Variants in GLG1 observed in about 807,000 individuals in gnomAD.
GLG1 encodes the protein golgi glycoprotein 1, also known as Golgi apparatus protein 1.
In GLG1, 38 loss-of-function variants were observed where a neutral mutation model predicts 160.5. The ratio of observed to expected loss-of-function variants is 0.24; its 90% CI spans 0.18 to 0.31. GLG1 has a LOEUF of 0.31. GLG1 is among the 10% of genes least tolerant of loss of function. GLG1 has a pLI of 1.00. For synonymous variants in GLG1, 644 were observed against 543.4 expected (o/e 1.19, Z -2.57); for missense variants, 1,373 against 1,505.2 (o/e 0.91, Z 1.45).
chr16:74,500,031 A>G (rs769653993), intron 4 of GLG1, among the ~76,000 whole-genome samples: 6 of 152,126 alleles, frequency 3.9e-5, no homozygotes, highest in Non-Finnish European at 7.4e-5. Context: ...AAAAAAAACA[A>G]TACTTCTCTA....
intron 18 of GLG1, among the ~76,000 whole-genome samples, chr16:74,466,137 T>C (rs775865784): frequency 6.6e-6 from 1 of 152,158 alleles, no homozygotes; most frequent in Non-Finnish European, 1.5e-5. Context: ...CTCTCTGCAT[T>C]TTCCCAGAGC....
chr16:74,546,624 G>A (rs1321815807), intron 1 of GLG1, among the ~76,000 whole-genome samples: 1 of 151,214 alleles, frequency 6.6e-6, no homozygotes, highest in Non-Finnish European at 1.5e-5. Flanking sequence ...GATCACCTCA[G>A]GTCAGGAGTT....
At chr16:74,469,596 A>G (rs1044853810) in intron 16 of GLG1, 2 of 202,374 alleles carry the variant, frequency 9.9e-6, no homozygotes, top group East Asian at 2.2e-4. Flanking sequence ...TCTTCACTAA[A>G]TATCTAATCC....
At chr16:74,515,529 C>G (rs1411311497) in intron 2 of GLG1, among the ~76,000 whole-genome samples, 1 of 152,066 alleles carries the variant, frequency 6.6e-6, no homozygotes, top group African/African-American at 2.4e-5. Flanking sequence ...AACTGAACAA[C>G]CTGCTCCTGA....
At chr16:74,575,083 T>A (rs1459887115) in intron 1 of GLG1, among the ~76,000 whole-genome samples, 1 of 130,674 alleles carries the variant, frequency 7.7e-6, no homozygotes, top group East Asian at 2.4e-4. Flanking sequence ...CTCACCTCTA[T>A]TAAAAATACA....
intron 2 of GLG1, among the ~76,000 whole-genome samples, chr16:74,529,494 A>G (rs1010181321): frequency 2.1e-4 from 32 of 151,662 alleles, no homozygotes; most frequent in South Asian, 1.7e-3. Context: ...ATTTTCCTCT[A>G]TTTTATTAGT....
intron 1 of GLG1, among the ~76,000 whole-genome samples, chr16:74,558,790 T>C (rs1245327603): frequency 6.6e-6 from 1 of 152,234 alleles, no homozygotes; most frequent in Non-Finnish European, 1.5e-5. Flanking sequence ...AGATAAATGT[T>C]TCAATCTGTC....
At chr16:74,598,867 G>A (rs1048954221) in intron 1 of GLG1, among the ~76,000 whole-genome samples, 2 of 151,674 alleles carry the variant, frequency 1.3e-5, no homozygotes, top group South Asian at 2.1e-4. Context: ...CTGAGCAAGA[G>A]CGAAACTCCA....
chr16:74,473,780 G>C (rs1483195593), intron 13 of GLG1, among the ~76,000 whole-genome samples: 3 of 151,952 alleles, frequency 2.0e-5, no homozygotes, highest in African/African-American at 7.3e-5. Flanking sequence ...TTTCAGGATG[G>C]AACAGGGATA....
At chr16:74,562,308 T>C (rs1325635562) in intron 1 of GLG1, among the ~76,000 whole-genome samples, 1 of 152,232 alleles carries the variant, frequency 6.6e-6, no homozygotes, top group East Asian at 1.9e-4. Flanking sequence ...GTAGAAAATA[T>C]AAGTTGACTC....
intron 1 of GLG1, among the ~76,000 whole-genome samples, chr16:74,538,000 G>A (rs1439451577): frequency 1.3e-5 from 2 of 151,976 alleles, no homozygotes; most frequent in Non-Finnish European, 2.9e-5. Flanking sequence ...TATCTTGGAA[G>A]GTGTCCCAGT....
intron 2 of GLG1, among the ~76,000 whole-genome samples, chr16:74,522,197 C>T (rs1212774184): frequency 1.3e-5 from 2 of 152,222 alleles, no homozygotes; most frequent in East Asian, 3.8e-4. Context: ...AAGGGCTTTG[C>T]TAACCTTTTA....
chr16:74,605,409 G>A (rs968383632), intron 1 of GLG1, among the ~76,000 whole-genome samples: 2 of 152,132 alleles, frequency 1.3e-5, no homozygotes, highest in South Asian at 2.1e-4. Flanking sequence ...ATCCTAGTTT[G>A]ATGAAACGAC....
chr16:74,538,151 A>G (rs1477500897), intron 1 of GLG1, among the ~76,000 whole-genome samples: 1 of 149,820 alleles, frequency 6.7e-6, no homozygotes, highest in Non-Finnish European at 1.5e-5. Context: ...ATTAAGTGAC[A>G]ACCAACTTTG....
At chr16:74,510,765 G>A (rs1398973954) in intron 2 of GLG1, among the ~76,000 whole-genome samples, 1 of 152,180 alleles carries the variant, frequency 6.6e-6, no homozygotes, top group Non-Finnish European at 1.5e-5. Flanking sequence ...AACATAAGGA[G>A]AAGGACAAAG....
intron 1 of GLG1, among the ~76,000 whole-genome samples, chr16:74,539,643 C>G: frequency 6.6e-6 from 1 of 151,710 alleles, no homozygotes; most frequent in Non-Finnish European, 1.5e-5. Context: ...TATCCCTATT[C>G]TGAAAATATG....
chr16:74,525,999 A>G (rs1335133507), intron 2 of GLG1, among the ~76,000 whole-genome samples: 1 of 152,232 alleles, frequency 6.6e-6, no homozygotes, highest in Non-Finnish European at 1.5e-5. Context: ...TCTACAAAAT[A>G]GAGACAGAGC....
intron 2 of GLG1, among the ~76,000 whole-genome samples, chr16:74,529,393 G>A (rs2017453479): frequency 6.6e-6 from 1 of 151,838 alleles, no homozygotes; most frequent in Non-Finnish European, 1.5e-5. Context: ...ATTCTCGGTT[G>A]AAATACTTCA....
At chr16:74,478,201 T>A (rs2015461492) in intron 11 of GLG1, among the ~76,000 whole-genome samples, 1 of 152,154 alleles carries the variant, frequency 6.6e-6, no homozygotes, top group Non-Finnish European at 1.5e-5. Flanking sequence ...AAAACTAATG[T>A]GTCAGTCTAT....
Sources: allele counts gnomAD v4.1 joint callset (sites outside exome capture counted in the v4.1 genomes callset), GRCh38; gene constraint gnomAD v4.1.1; transcripts MANE v1.5; gene names NCBI Gene and HGNC (gene_info 2026-07-23, HGNC 2026-07-21).